The following AASS variants were observed in gnomAD, a reference collection of about 807,000 sequenced individuals.
The protein encoded by AASS is aminoadipate-semialdehyde synthase, also known as alpha-aminoadipic semialdehyde synthase, mitochondrial.
A neutral mutation model predicts 105.4 loss-of-function variants in AASS; 86 were observed. The observed-to-expected ratio is 0.82, with a 90% CI of 0.69 to 0.98. AASS has a LOEUF of 0.98. Among genes scored for constraint, AASS ranks in the 50% least tolerant of loss-of-function variants. AASS has a pLI of 0.00. For synonymous variants in AASS, 381 were observed against 394.8 expected, an observed-to-expected ratio of 0.96 and a Z score of 0.41; for missense variants, 1,048 against 1,143.2, an observed-to-expected ratio of 0.92 and a Z score of 1.20.
At chr7:122,078,793 C>T (rs930793267) in intron 22 of AASS, 69 bp downstream of exon 22, 20 of 1,460,364 alleles carry the variant, frequency 1.4e-5, no homozygotes, top group South Asian at 3.4e-5. Context: ...CCCTCCAATA[C>T]GATTATCTGC....
In AASS at chr7:122,093,061, C is replaced by A; in HGVS notation, c.1753G>T (p.Glu585Ter). ...TASYITPALK[E>*]LEKSVEDAGI... ...ATTAAAACTTACCTCTTTTCCAATT[C>A]TTTTAGTGCTGGTGTGATGTAGCTT... Residue 585 changes from glutamate to a stop codon, truncating the protein, a stop_gained, in exon 16 of 24, where the codon GAA becomes TAA. Coordinates refer to ENST00000417368, the MANE Select transcript of AASS (RefSeq NM_005763.4). LOFTEE classifies it high-confidence loss of function. The A allele has an allele frequency of 1.2e-6, 2 of 1,613,822 alleles. No homozygotes were observed. Among genetic ancestry groups the A allele is most frequent in the Non-Finnish European group, 1.7e-6 (2 of 1,179,768 alleles).
rs535077163 is a variant in AASS at position 122,116,738 on chromosome 7, C to T, written c.789G>A (p.Thr263=). ...QTGDLRKVYG[T]VLSRHHHLVR... is the part of the protein sequence containing the mutation. ...CAAGATGATGATGACGACTTAACAC[C>T]GTCCCATACACTTTTCTGAGGTCTT... Residue 263 remains threonine, a synonymous_variant, in exon 8 of 24, where the codon ACG becomes ACA. Coordinates refer to ENST00000417368, the MANE Select transcript of AASS (RefSeq NM_005763.4). 2.6e-5 allele frequency: 42 copies of T among 1,614,000 alleles called. No homozygotes were observed. The highest frequency in any genetic ancestry group is 1.7e-4 in the Middle Eastern group (1 of 6,058).
intron 2 of AASS, among the ~76,000 whole-genome samples, chr7:122,133,245 G>A (rs1339935440): frequency 6.6e-6 from 1 of 152,106 alleles, no homozygotes; most frequent in Non-Finnish European, 1.5e-5. Context: ...CATTCTCAAA[G>A]GAGCATTCTC....
chr7:122,117,289 T>C (rs1170416292), intron 6 of AASS, among the ~76,000 whole-genome samples: 1 of 152,232 alleles, frequency 6.6e-6, no homozygotes, highest in Non-Finnish European at 1.5e-5. Context: ...ATGGGGAAAT[T>C]ATATTTCCTA....
rs188772891 is a variant in AASS at position 122,142,640 on chromosome 7, T to C, written c.-16+1521A>G. Among the ~76,000 whole-genome samples the C allele has an allele frequency of 2.6e-5, 4 of 152,328 alleles. 1 individual carries two copies. The highest frequency in any genetic ancestry group is 4.1e-4 in the South Asian group (2 of 4,830). On this transcript the variant is annotated intron_variant, in intron 1 of 23. Transcript: ENST00000417368. Reference sequence around the variant, plus strand: ...TTAGATCAGATGAATGTGGTAATAATGTTTTGGGGTTATTTTCCATTCCAA... The same window carrying C: ...TTAGATCAGATGAATGTGGTAATAACGTTTTGGGGTTATTTTCCATTCCAA...
In AASS at chr7:122,115,209, G is replaced by T; in HGVS notation, c.908C>A (p.Thr303Lys). The T allele has an allele frequency of 6.2e-7, 1 of 1,614,076 alleles. No individual in the cohort carries two copies. Among genetic ancestry groups the T allele is most frequent in the East Asian group, 2.2e-5 (1 of 44,854 alleles). ...SRFNTDIAPY[T>K]TCLINGIYWE... ...GTAGATTCCATTAATTAAGCAAGTT[G>T]TATAGGGTGCAATCTGTAATGCAAG... The change falls in exon 9 of 24, where the codon ACA becomes AAA. Residue 303 changes from threonine (T) to lysine (K), a missense_variant. Coordinates refer to ENST00000417368, the MANE Select transcript of AASS (RefSeq NM_005763.4).
At chr7:122,141,157 G>A (rs1222766071) in intron 1 of AASS, among the ~76,000 whole-genome samples, 1 of 152,164 alleles carries the variant, frequency 6.6e-6, no homozygotes, top group Non-Finnish European at 1.5e-5. Flanking sequence ...CTGTGCGTGG[G>A]TACATTCTTT....
rs2150505033 is a variant in AASS, at chr7:122,075,859, G to A, written c.*630C>T. On this transcript the variant is annotated 3_prime_UTR_variant, in exon 24 of 24. Transcript: ENST00000417368. ...TTAGGTAATCTGAAGGTATCTAACT[G>A]TATCAATTTTAAAAATATAAAAATA... 1 of 152,220 alleles carries A rather than the reference G, an allele frequency of 6.6e-6. No individual in the cohort carries two copies. Among genetic ancestry groups the A allele is most frequent in the African/African-American group, 2.4e-5 (1 of 41,522 alleles). The allele number at this position is 152,220 out of a possible 1,614,324, so 9.4% of individuals were successfully genotyped here.
intron 1 of AASS, among the ~76,000 whole-genome samples, chr7:122,143,124 A>T (rs140285099): frequency 2.0e-5 from 3 of 152,102 alleles, no homozygotes; most frequent in Admixed American, 2.0e-4. Context: ...AGACAAACCC[A>T]GAAACACCAA....
intron 11 of AASS, among the ~76,000 whole-genome samples, chr7:122,112,807 C>A (rs1445196011): frequency 1.3e-5 from 2 of 152,080 alleles, no homozygotes; most frequent in East Asian, 1.9e-4. Flanking sequence ...TATGAACTGA[C>A]ATAGATGGCA....
At chr7:122,113,353 C>T (rs542391406) in intron 10 of AASS, 124 bp from the exon 11 acceptor site, 66 of 1,041,670 alleles carry the variant, frequency 6.3e-5, no homozygotes, top group Middle Eastern at 2.0e-4. Flanking sequence ...AAAGTATACG[C>T]GAAAATAAAC....
At chr7:122,095,581 T>TA (rs5887069) in intron 15 of AASS, among the ~76,000 whole-genome samples, 260 of 146,068 alleles carry the variant, frequency 1.8e-3, no homozygotes, top group Middle Eastern at 7.0e-3. Context: ...CTCTACTTCA[T>TA]AAAAAAAAAA....
chr7:122,091,573 AC>A (rs1324750194), intron 18 of AASS, 129 bp downstream of exon 18: 2 of 1,396,928 alleles, frequency 1.4e-6, no homozygotes, highest in Non-Finnish European at 1.0e-6. Flanking sequence ...ACACTGGGAA[AC>A]AACACAGGAG....
intron 18 of AASS, 97 bp downstream of exon 18, chr7:122,091,606 A>G: frequency 1.3e-6 from 2 of 1,557,594 alleles, no homozygotes; most frequent in Non-Finnish European, 1.8e-6. Context: ...GACAGGCAGC[A>G]TCACCATTAT....
At chr7:122,108,668 T>C (rs1794784062) in intron 11 of AASS, among the ~76,000 whole-genome samples, 1 of 152,092 alleles carries the variant, frequency 6.6e-6, no homozygotes, top group African/African-American at 2.4e-5. Context: ...ACAGGGTACA[T>C]ACCTCAACAT....
Position 122,081,569 on chromosome 7 carries a change from A to G in AASS, c.2211T>C (p.Phe737=). The G allele has an allele frequency of 1.2e-6, 2 of 1,613,726 alleles. No homozygotes were observed. The highest frequency in any genetic ancestry group is 1.7e-6 in the Non-Finnish European group (2 of 1,179,672). Residue 737 remains phenylalanine, a synonymous_variant, in exon 20 of 24, where the codon TTT becomes TTC. Coordinates refer to ENST00000417368, the MANE Select transcript of AASS (RefSeq NM_005763.4). Reference sequence around the variant, plus strand: ...CTCTGTTTATAAGACCTAATTTTACAAATCCATTCAAAGCTTTCATATATC... The same window carrying G: ...CTCTGTTTATAAGACCTAATTTTACGAATCCATTCAAAGCTTTCATATATC... ...YKGYMKALNG[F]VKLGLINREA... is the part of the protein sequence containing the mutation.
In AASS at chr7:122,074,168, T is replaced by C. The variant is rs1249020348; in HGVS notation, c.*2321A>G. On this transcript the variant is annotated 3_prime_UTR_variant, in exon 24 of 24. Coordinates refer to ENST00000417368, the MANE Select transcript of AASS (RefSeq NM_005763.4). ...TATTATCACTTTGATTATATATCTA[T>C]TCCAGTGAGTGTTAAGTGATATCTC... Among the ~76,000 whole-genome samples the C allele has an allele frequency of 6.6e-6, 1 of 152,218 alleles. No individual in the cohort carries two copies. The highest frequency in any genetic ancestry group is 2.4e-5 in the African/African-American group (1 of 41,462).
chr7:122,113,276 TAA>T (rs755862999), intron 10 of AASS, 47 bp from the exon 11 acceptor site: 4 of 1,542,390 alleles, frequency 2.6e-6, no homozygotes, highest in Non-Finnish European at 3.6e-6. Flanking sequence ...ACATTATTTG[TAA>T]GTTCTGACTT....
intron 1 of AASS, among the ~76,000 whole-genome samples, chr7:122,140,408 C>G (rs1252033229): frequency 7.0e-6 from 1 of 143,528 alleles, no homozygotes; most frequent in Non-Finnish European, 1.5e-5. Context: ...TGGCGTGGAA[C>G]CCGGGAGGCG....
Sources: allele counts gnomAD v4.1 joint callset (sites outside exome capture counted in the v4.1 genomes callset), GRCh38; gene constraint gnomAD v4.1.1; transcripts MANE v1.5; gene names NCBI Gene and HGNC (gene_info 2026-07-23, HGNC 2026-07-21).